SPSB1: variants seen among roughly 807,000 people sequenced by gnomAD.
SPSB1 encodes splA/ryanodine receptor domain and SOCS box containing 1, also known as SPRY domain-containing SOCS box protein 1.
A neutral mutation model predicts 21.2 loss-of-function variants in SPSB1; 8 were observed. The ratio of observed to expected loss-of-function variants is 0.38; its 90% CI spans 0.22 to 0.68. SPSB1 has a LOEUF of 0.68. Among genes scored for constraint, SPSB1 ranks in the 30% least tolerant of loss-of-function variants. The pLI is 0.53. For synonymous variants in SPSB1, 169 were observed against 161.7 expected, an observed-to-expected ratio of 1.05 and a Z score of -0.34; for missense variants, 242 against 377.8, an observed-to-expected ratio of 0.64 and a Z score of 2.98.
At chr1:9,316,675 G>C (rs1016650776) in intron 1 of SPSB1, among the ~76,000 whole-genome samples, 3 of 152,184 alleles carry the variant, frequency 2.0e-5, no homozygotes, top group African/African-American at 7.2e-5. Context: ...GTGGTCAGCC[G>C]TGACTCCCGG....
chr1:9,349,212 G>A (rs956909815), intron 1 of SPSB1, among the ~76,000 whole-genome samples: 1 of 152,202 alleles, frequency 6.6e-6, no homozygotes, highest in African/African-American at 2.4e-5. Context: ...GCTGCTCTCC[G>A]GCTCTGAGGG....
chr1:9,335,276 C>T (rs1639986450), intron 1 of SPSB1, among the ~76,000 whole-genome samples: 1 of 150,632 alleles, frequency 6.6e-6, no homozygotes, highest in Non-Finnish European at 1.5e-5. Flanking sequence ...CTGAGGTGGC[C>T]AGATCACCTG....
intron 1 of SPSB1, among the ~76,000 whole-genome samples, chr1:9,309,912 G>A (rs1022399100): frequency 3.3e-5 from 5 of 152,254 alleles, no homozygotes; most frequent in African/African-American, 1.2e-4. Flanking sequence ...TCCCTTGGGA[G>A]ACCCAATTCA....
intron 1 of SPSB1, among the ~76,000 whole-genome samples, chr1:9,332,453 A>G (rs886472581): frequency 6.6e-6 from 1 of 152,180 alleles, no homozygotes; most frequent in Non-Finnish European, 1.5e-5. Flanking sequence ...GCAGCATTGT[A>G]GAGGCCAGGA....
At chr1:9,302,469 T>C (rs187814502) in intron 1 of SPSB1, among the ~76,000 whole-genome samples, 17 of 152,292 alleles carry the variant, frequency 1.1e-4, no homozygotes, top group African/African-American at 3.8e-4. Flanking sequence ...CTGCCCTCCA[T>C]GTGGGCAGGC....
At chr1:9,360,034 G>A (rs943280601) in intron 2 of SPSB1, among the ~76,000 whole-genome samples, 5 of 152,234 alleles carry the variant, frequency 3.3e-5, no homozygotes, top group Middle Eastern at 3.4e-3. Context: ...AATTTGAGAC[G>A]CTTCTTCGAC....
intron 1 of SPSB1, among the ~76,000 whole-genome samples, chr1:9,328,942 AG>A (rs1639869574): frequency 6.6e-6 from 1 of 152,178 alleles, no homozygotes; most frequent in Non-Finnish European, 1.5e-5. Flanking sequence ...CAAATCTCCC[AG>A]GGTACGCTGG....
At chr1:9,334,565 G>A (rs1036139237) in intron 1 of SPSB1, among the ~76,000 whole-genome samples, 1 of 152,182 alleles carries the variant, frequency 6.6e-6, no homozygotes, top group African/African-American at 2.4e-5. Flanking sequence ...AGTGGCATTA[G>A]GTACCTTCAT....
At position 9,331,434 on chromosome 1, in the gene SPSB1, G is replaced by A. The variant is rs184189595; in HGVS notation, c.-149-24309G>A. On this transcript the variant is annotated intron_variant, in intron 1 of 2. Transcript: ENST00000328089. ...TAACCTCTGCCTCCTGGGTTCAAGC[G>A]ATTCTCCTGCCTCTGCCTCCTGGGT... is the stretch of plus-strand genomic sequence containing the variant. 3.4e-5 allele frequency among the ~76,000 whole-genome samples: 5 copies of A among 146,464 alleles called. No homozygotes were observed. In the East Asian group the frequency reaches 6.2e-4, roughly 18 times the overall value.
chr1:9,361,512 C>T (rs997699067), intron 2 of SPSB1, among the ~76,000 whole-genome samples: 4 of 152,186 alleles, frequency 2.6e-5, no homozygotes, highest in African/African-American at 9.6e-5. Context: ...GCCCACTGTC[C>T]CCTGTGGCCT....
intron 1 of SPSB1, among the ~76,000 whole-genome samples, chr1:9,328,153 T>C (rs963551328): frequency 1.3e-5 from 2 of 152,182 alleles, no homozygotes; most frequent in Non-Finnish European, 2.9e-5. Context: ...CCCCCTCCTA[T>C]AGAGCCAGAC....
chr1:9,356,374 C>T lies in SPSB1; in HGVS notation c.483C>T (p.Tyr161=), dbSNP rs942575060. The change falls in exon 2 of 3, where the codon TAC becomes TAT. Residue 161 remains tyrosine (Y), a synonymous_variant. Transcript: ENST00000328089. This position sits in a 1 kb window ranked among gnomAD's most constrained non-coding sequence, Gnocchi z 7.4. ...HDGKNQPSKT[Y]PAFLEPDETF... ...GCAAGAACCAGCCAAGCAAAACATA[C>T]CCAGCCTTTCTGGAACCAGATGAGA... 32 of 1,614,158 alleles carry T rather than the reference C, an allele frequency of 2.0e-5. No homozygotes were observed. The highest frequency in any genetic ancestry group is 1.1e-4 in the African/African-American group (8 of 75,054).
At position 9,346,691 on chromosome 1, in the gene SPSB1, C is replaced by T. The variant is rs1640170751; in HGVS notation, c.-149-9052C>T. ...CCCCCAGGGTCTGCTCTCAGTGCCT[C>T]ATTCCTCCTCACCTCCTCCTCTTCC... On this transcript the variant is annotated intron_variant, in intron 1 of 2. Coordinates refer to ENST00000328089, the MANE Select transcript of SPSB1 (RefSeq NM_025106.4). The surrounding 1 kb of genome is among the most constrained non-coding windows in gnomAD (Gnocchi z 4.4). Among the ~76,000 whole-genome samples, 1 of 152,188 alleles carries T rather than the reference C, an allele frequency of 6.6e-6. No individual in the cohort carries two copies. The highest frequency in any genetic ancestry group is 1.9e-4 in the East Asian group (1 of 5,204).
chr1:9,361,155 T>TCC lies in SPSB1; in HGVS notation c.694+4571_694+4572insCC, dbSNP rs572565124. On this transcript the variant is annotated intron_variant, in intron 2 of 2. Coordinates refer to ENST00000328089, the MANE Select transcript of SPSB1 (RefSeq NM_025106.4). ...CCAGGCATGGCTGGATCTGTCATTT[T>TCC]CTTTTTTTTTTTTTTTTTTTTTTTT... Among the ~76,000 whole-genome samples, 4 of 81,830 alleles carry TCC rather than the reference T, an allele frequency of 4.9e-5. No homozygotes were observed. The East Asian group carries it at 2.0e-3, about 41-fold the overall frequency. The allele number at this position is 81,830 out of a possible 152,430, so 53.7% of individuals were successfully genotyped here. A position where few individuals can be genotyped will look rare whatever the true frequency, so the allele number is the denominator to read the frequency against.
In SPSB1 at chr1:9,305,603, TC is replaced by T. The variant is rs959270045; in HGVS notation, c.-150+12536del. On this transcript the variant is annotated intron_variant, in intron 1 of 2. Transcript: ENST00000328089. The surrounding 1 kb of genome is among the most constrained non-coding windows in gnomAD (Gnocchi z 4.8). The stretch of plus-strand genomic sequence containing the variant: ...GGGTGTGGGTGCTGGGGGTGGGGAC[TC>T]CCCGTCACGGAACTAAACTGCCAGG... 4.6e-5 allele frequency among the ~76,000 whole-genome samples: 7 copies of T among 152,150 alleles called. No individual in the cohort carries two copies. Among genetic ancestry groups the T allele is most frequent in the African/African-American group, 1.7e-4 (7 of 41,436 alleles).
rs1463588661 is a variant in SPSB1, at chr1:9,305,314, G to A, written c.-150+12243G>A. On this transcript the variant is annotated intron_variant, in intron 1 of 2. Coordinates refer to ENST00000328089, the MANE Select transcript of SPSB1 (RefSeq NM_025106.4). The surrounding 1 kb of genome is among the most constrained non-coding windows in gnomAD (Gnocchi z 4.8). ...TTCCCAGGGATGTCCCCTTCAGCAGGTAGCCCTGCCATCCACGGTCCACCC... is the reference window on the plus strand; with the variant it reads ...TTCCCAGGGATGTCCCCTTCAGCAGATAGCCCTGCCATCCACGGTCCACCC... 6.6e-6 allele frequency among the ~76,000 whole-genome samples: 1 copy of A among 152,182 alleles called. No individual in the cohort carries two copies. The highest frequency in any genetic ancestry group is 1.9e-4 in the East Asian group (1 of 5,192).
intron 1 of SPSB1, among the ~76,000 whole-genome samples, chr1:9,337,370 G>GGGA (rs1159831006): frequency 6.6e-6 from 1 of 152,130 alleles, no homozygotes. Flanking sequence ...TGACACTCAG[G>GGGA]GGAGGAGTGT....
chr1:9,295,211 AGTGTGAGTGTGTGT>A (rs1420997708), intron 1 of SPSB1, among the ~76,000 whole-genome samples: 7 of 83,234 alleles, frequency 8.4e-5, no homozygotes, highest in African/African-American at 3.6e-4. Flanking sequence ...TGTGTGTGAG[AGTGTGAGTGTGTGT>A]GTGTGTGTGT....
rs187684038 is a variant in SPSB1 at position 9,339,403 on chromosome 1, A to G, written c.-149-16340A>G. 1.2e-4 allele frequency: 83 copies of G among 684,874 alleles called. No homozygotes were observed. The African/African-American group carries it at 1.5e-3, about 12-fold the overall frequency. The allele number at this position is 684,874 out of a possible 1,614,324, so 42.4% of individuals were successfully genotyped here. On this transcript the variant is annotated intron_variant, in intron 1 of 2. Transcript: ENST00000328089. ...GGTTCTGGCAGGACCCAGGGTCCTCAGGTAATTCCGGGGCGAGTCTGGAGG... is the reference window on the plus strand; with the variant it reads ...GGTTCTGGCAGGACCCAGGGTCCTCGGGTAATTCCGGGGCGAGTCTGGAGG...
Sources: gnomAD v4.1 joint callset for allele counts (sites outside exome capture counted in the v4.1 genomes callset) on GRCh38, gnomAD v4.1.1 for gene constraint, Gnocchi (gnomAD v3.1) non-coding constraint, MANE v1.5 for transcripts, NCBI Gene and HGNC (gene_info 2026-07-23, HGNC 2026-07-21) for gene names.